PLGRKT: variants seen among roughly 807,000 people sequenced by gnomAD.
PLGRKT encodes plasminogen receptor (KT).
In PLGRKT, 22 loss-of-function variants were observed where a neutral mutation model predicts 18.5. The ratio of observed to expected loss-of-function variants is 1.19; its 90% CI spans 0.85 to 1.70. The LOEUF (loss-of-function observed/expected upper bound fraction) is 1.70. Ranked by LOEUF, PLGRKT falls within the 40% of genes most tolerant of loss-of-function variation. PLGRKT has a pLI of 0.00. For missense variants in PLGRKT, 235 were observed against 174.4 expected (o/e 1.35, Z -1.96); for synonymous variants, 72 against 52.8 (o/e 1.36, Z -1.58).
chr9:5,424,354 CAT>C (rs374927801), intron 3 of PLGRKT, among the ~76,000 whole-genome samples: 225 of 130,388 alleles, frequency 1.7e-3, no homozygotes, highest in African/African-American at 6.4e-3. Context: ...TCATTAATAA[CAT>C]ATAATACATA....
At chr9:5,434,508 C>T (rs1320980972) in intron 2 of PLGRKT, among the ~76,000 whole-genome samples, 7 of 142,844 alleles carry the variant, frequency 4.9e-5, no homozygotes, top group Admixed American at 1.4e-4. Flanking sequence ...AAGTGAGGGG[C>T]ACCTCTGCCC....
chr9:5,372,344 A>G lies in PLGRKT; in HGVS notation c.82-10456T>C, dbSNP rs115831255. ...ACCATGTGCACAGTATATGCAAGTT[A>G]CATATATTCATATTCTAATATGCCT... On this transcript the variant is annotated intron_variant, in intron 3 of 5. Transcript: ENST00000223864. Among the ~76,000 whole-genome samples the G allele has an allele frequency of 3.7e-3, 560 of 152,316 alleles. 1 individual carries two copies. Among genetic ancestry groups the G allele is most frequent in the African/African-American group, 0.013 (549 of 41,556 alleles).
intron 3 of PLGRKT, among the ~76,000 whole-genome samples, chr9:5,422,746 T>C (rs1262757402): frequency 6.6e-6 from 1 of 152,058 alleles, no homozygotes; most frequent in Admixed American, 6.6e-5. Context: ...TAAATAGAAA[T>C]TTGCCTTAAA....
chr9:5,417,656 CTT>C (rs199643819), intron 3 of PLGRKT, among the ~76,000 whole-genome samples: 1 of 145,482 alleles, frequency 6.9e-6, no homozygotes, highest in Non-Finnish European at 1.5e-5. Context: ...GTAAAGTACT[CTT>C]TTTTTTTTTC....
At chr9:5,423,889 A>G (rs1003085977) in intron 3 of PLGRKT, among the ~76,000 whole-genome samples, 5 of 93,588 alleles carry the variant, frequency 5.3e-5, no homozygotes, top group African/African-American at 2.6e-4. Flanking sequence ...AATATAGTCT[A>G]TAATATATAT....
chr9:5,422,628 G>C (rs1175970474), intron 3 of PLGRKT, among the ~76,000 whole-genome samples: 1 of 152,164 alleles, frequency 6.6e-6, no homozygotes, highest in Non-Finnish European at 1.5e-5. Flanking sequence ...AAAGACACTT[G>C]TGAAGCAACT....
chr9:5,408,408 T>C (rs1245430539), intron 3 of PLGRKT, among the ~76,000 whole-genome samples: 1 of 152,214 alleles, frequency 6.6e-6, no homozygotes, highest in Non-Finnish European at 1.5e-5. Context: ...CCAAGGGATA[T>C]GCGCAACTTC....
intron 3 of PLGRKT, among the ~76,000 whole-genome samples, chr9:5,388,471 A>T (rs1203738711): frequency 2.6e-5 from 4 of 152,026 alleles, no homozygotes; most frequent in Non-Finnish European, 4.4e-5. Flanking sequence ...AAATCTATAT[A>T]AACTCACTAT....
At position 5,427,827 on chromosome 9, in the gene PLGRKT, G is replaced by C. The variant is rs73641611; in HGVS notation, c.81+4070C>G. On this transcript the variant is annotated intron_variant, in intron 3 of 5. Transcript: ENST00000223864. ...AGGGACAAGGGCCCTGGTTGGCTGG[G>C]TTACAGGACGTGAGAAGATTCCCAG... is the stretch of plus-strand genomic sequence containing the variant. 8.6e-4 allele frequency among the ~76,000 whole-genome samples: 131 copies of C among 152,320 alleles called. 1 individual carries two copies. The highest frequency in any genetic ancestry group is 2.9e-3 in the African/African-American group (119 of 41,564).
chr9:5,395,486 T>C (rs1818027067), intron 3 of PLGRKT, among the ~76,000 whole-genome samples: 1 of 151,904 alleles, frequency 6.6e-6, no homozygotes, highest in South Asian at 2.1e-4. Flanking sequence ...TTTGCAGAAT[T>C]ATGGAGCAGG....
At chr9:5,414,792 T>A (rs897614943) in intron 3 of PLGRKT, among the ~76,000 whole-genome samples, 1 of 152,134 alleles carries the variant, frequency 6.6e-6, no homozygotes, top group African/African-American at 2.4e-5. Flanking sequence ...GAAGTGAATA[T>A]AGTGTAAGTG....
intron 3 of PLGRKT, among the ~76,000 whole-genome samples, chr9:5,425,677 T>G (rs1818683397): frequency 6.6e-6 from 1 of 152,036 alleles, no homozygotes; most frequent in South Asian, 2.1e-4. Flanking sequence ...TGTGAAGGTC[T>G]GAGGTGGGAC....
chr9:5,371,480 G>A (rs1442107208), intron 3 of PLGRKT, among the ~76,000 whole-genome samples: 4 of 152,172 alleles, frequency 2.6e-5, no homozygotes, highest in South Asian at 2.1e-4. Context: ...TTTATCAGGG[G>A]TTTCCGCTTT....
intron 3 of PLGRKT, among the ~76,000 whole-genome samples, chr9:5,413,927 A>C (rs1160056750): frequency 1.3e-5 from 2 of 152,228 alleles, no homozygotes; most frequent in African/African-American, 2.4e-5. Flanking sequence ...TAAATGAAAA[A>C]TGCAAAGTAA....
Position 5,436,628 on chromosome 9 carries a change from C to T in PLGRKT, c.-66G>A, listed in dbSNP as rs1024446812. 1.3e-5 allele frequency: 2 copies of T among 152,222 alleles called. No homozygotes were observed. The highest frequency in any genetic ancestry group is 2.4e-5 in the African/African-American group (1 of 41,430). The allele number at this position is 152,222 out of a possible 1,614,324, so 9.4% of individuals were successfully genotyped here. A position where few individuals can be genotyped will look rare whatever the true frequency, so the allele number is the denominator to read the frequency against. ...TGTAGTCTGAATGTGTTAGAGGACG[C>T]TCCCAGGTGGAAGGGTTAAAGGTGG... On this transcript the variant is annotated 5_prime_UTR_variant, in exon 2 of 6. Transcript: ENST00000223864.
intron 3 of PLGRKT, among the ~76,000 whole-genome samples, chr9:5,419,789 T>C (rs1183659177): frequency 1.3e-5 from 2 of 152,186 alleles, no homozygotes; most frequent in African/African-American, 4.8e-5. Context: ...TAAAAAACTG[T>C]GGCCATGGTG....
intron 3 of PLGRKT, among the ~76,000 whole-genome samples, chr9:5,373,657 G>A (rs148854572): frequency 2.0e-5 from 3 of 152,228 alleles, no homozygotes; most frequent in Non-Finnish European, 4.4e-5. Flanking sequence ...AATTAGCTGG[G>A]CATGGTGGCA....
At chr9:5,413,761 G>C (rs1386072754) in intron 3 of PLGRKT, among the ~76,000 whole-genome samples, 1 of 152,146 alleles carries the variant, frequency 6.6e-6, no homozygotes, top group Non-Finnish European at 1.5e-5. Context: ...CACTAAGTTT[G>C]TGATAATTTG....
At chr9:5,394,537 C>T (rs1467734009) in intron 3 of PLGRKT, among the ~76,000 whole-genome samples, 2 of 151,666 alleles carry the variant, frequency 1.3e-5, no homozygotes, top group Non-Finnish European at 1.5e-5. Context: ...CTCAGCCTCC[C>T]GAGTAGCTGG....
Sources: gnomAD v4.1 joint callset for allele counts (sites outside exome capture counted in the v4.1 genomes callset) on GRCh38, gnomAD v4.1.1 for gene constraint, MANE v1.5 for transcripts, NCBI Gene and HGNC (gene_info 2026-07-23, HGNC 2026-07-21) for gene names.